REC114: variants seen among roughly 807,000 people sequenced by gnomAD.
REC114 encodes REC114 meiotic recombination protein.
In REC114, 27 loss-of-function variants were observed where a neutral mutation model predicts 31.3. The observed-to-expected ratio is 0.86, with a 90% confidence interval of 0.64 to 1.19. The LOEUF is 1.19. REC114 is among the 50% of genes most tolerant of loss of function. The pLI is 0.00. For synonymous variants in REC114, 134 were observed against 127.7 expected, an observed-to-expected ratio of 1.05 and a Z score of -0.33; for missense variants, 344 against 326.9, an observed-to-expected ratio of 1.05 and a Z score of -0.40.
At chr15:73,501,263 G>A (rs1052894528) in intron 2 of REC114, among the ~76,000 whole-genome samples, 6 of 152,186 alleles carry the variant, frequency 3.9e-5, no homozygotes, top group African/African-American at 1.4e-4. Flanking sequence ...AAAGAAACAA[G>A]TTTTTATTAC....
At chr15:73,518,375 G>T (rs75313523) in intron 2 of REC114, among the ~76,000 whole-genome samples, 1 of 152,116 alleles carries the variant, frequency 6.6e-6, no homozygotes, top group Non-Finnish European at 1.5e-5. Flanking sequence ...TCTCAGCTCC[G>T]TTTTCCTCTG....
chr15:73,496,381 T>C (rs2141305611), intron 2 of REC114, among the ~76,000 whole-genome samples: 1 of 140,964 alleles, frequency 7.1e-6, no homozygotes, highest in Non-Finnish European at 1.5e-5. Context: ...AAAAAAAAGT[T>C]GCAAAAGTAG....
Position 73,473,919 on chromosome 15 carries a change from C to G in REC114, c.247C>G (p.Leu83Val). The G allele has an allele frequency of 1.9e-6, 3 of 1,560,658 alleles. No homozygotes were observed. Among genetic ancestry groups the G allele is most frequent in the Non-Finnish European group, 2.6e-6 (3 of 1,142,764 alleles). Reference protein sequence around the residue: ...HFFIFQGQTLLEGFSLIGSKD... With the variant: ...HFFIFQGQTLVEGFSLIGSKD... Reference sequence around the variant, plus strand: ...CTTCATTTTCCAAGGACAGACACTACTGGTAGGTTTTATGCATAACAGTTT... The same window carrying G: ...CTTCATTTTCCAAGGACAGACACTAGTGGTAGGTTTTATGCATAACAGTTT... The change falls in exon 2 of 6, where the codon CTG becomes GTG. Residue 83 changes from leucine to valine, a missense_variant and splice_region_variant. Leu to Val is a conservative substitution (Grantham distance 32, BLOSUM62 1). Transcript: ENST00000331090.
chr15:73,444,882 T>G (rs1253719714), intron 1 of REC114, among the ~76,000 whole-genome samples: 2 of 152,230 alleles, frequency 1.3e-5, no homozygotes, highest in Admixed American at 1.3e-4. Context: ...AGAATGAATG[T>G]TGTGTTAGCA....
rs369264531 is a variant in REC114, at chr15:73,550,939, A to T, written c.335A>T (p.Asp112Val). The T allele has an allele frequency of 6.2e-7, 1 of 1,613,654 alleles. No individual in the cohort carries two copies. The highest frequency in any genetic ancestry group is 8.5e-7 in the Non-Finnish European group (1 of 1,179,740). Residue 112 changes from aspartate (D) to valine (V), a missense_variant and splice_region_variant, in exon 4 of 6, where the codon GAC becomes GTC. Coordinates refer to ENST00000331090, the MANE Select transcript of REC114 (RefSeq NM_001042367.2). The part of the protein sequence containing the change: ...DCLLFGTTIK[D>V]KSRLFRVQFS... ...GATAACTTTTGATTTGTCAAACAGG[A>T]CAAGAGTCGCCTGTTTCGAGTACAG...
chr15:73,525,157 C>G (rs2141321889), intron 2 of REC114, among the ~76,000 whole-genome samples: 2 of 152,298 alleles, frequency 1.3e-5, no homozygotes, highest in African/African-American at 4.8e-5. Flanking sequence ...GGCCAAAGTG[C>G]AGGGATTACA....
chr15:73,475,772 G>C (rs868225670), intron 2 of REC114, among the ~76,000 whole-genome samples: 69 of 151,986 alleles, frequency 4.5e-4, no homozygotes, highest in African/African-American at 1.6e-3. Flanking sequence ...ACTTAATTAG[G>C]ATAGTTAACT....
chr15:73,557,881 C>T (rs1358602120), intron 5 of REC114, among the ~76,000 whole-genome samples: 1 of 152,152 alleles, frequency 6.6e-6, no homozygotes, highest in Non-Finnish European at 1.5e-5. Flanking sequence ...GGCAATTTAG[C>T]AGTACATATC....
At chr15:73,464,514 C>T (rs1293511502) in intron 1 of REC114, among the ~76,000 whole-genome samples, 1 of 152,064 alleles carries the variant, frequency 6.6e-6, no homozygotes, top group Non-Finnish European at 1.5e-5. Flanking sequence ...GGTCTTTTCA[C>T]TCCTGGGTGT....
At chr15:73,549,858 A>G (rs1266404475) in intron 3 of REC114, among the ~76,000 whole-genome samples, 1 of 152,188 alleles carries the variant, frequency 6.6e-6, no homozygotes, top group East Asian at 1.9e-4. Context: ...AGCCATGCCA[A>G]GAGTTTTCTG....
chr15:73,557,951 TCA>T (rs1261974973), intron 5 of REC114, among the ~76,000 whole-genome samples: 1 of 152,238 alleles, frequency 6.6e-6, no homozygotes, highest in Non-Finnish European at 1.5e-5. Context: ...CATATGTTCA[TCA>T]CAATGCTTAA....
chr15:73,536,161 A>C lies in REC114; in HGVS notation c.250-4324A>C, dbSNP rs574393864. ...ACACCAAAAGCAATGGCAACAAAAGACAAAATTGACAAATGGGATCTAATT... is the reference window on the plus strand; with the variant it reads ...ACACCAAAAGCAATGGCAACAAAAGCCAAAATTGACAAATGGGATCTAATT... On this transcript the variant is annotated intron_variant, in intron 2 of 5. Transcript: ENST00000331090. 2.6e-5 allele frequency among the ~76,000 whole-genome samples: 4 copies of C among 152,190 alleles called. No individual in the cohort carries two copies. The South Asian group carries it at 6.2e-4, about 24-fold the overall frequency.
Position 73,490,743 on chromosome 15 carries a change from T to C in REC114, c.249+16822T>C, listed in dbSNP as rs547118132. 1.9e-3 allele frequency among the ~76,000 whole-genome samples: 291 copies of C among 152,306 alleles called. 1 individual carries two copies. Among genetic ancestry groups the C allele is most frequent in the African/African-American group, 6.7e-3 (279 of 41,572 alleles). On this transcript the variant is annotated intron_variant, in intron 2 of 5. Coordinates refer to ENST00000331090, the MANE Select transcript of REC114 (RefSeq NM_001042367.2). ...TAATATACTCACTGAGTTCATTGAATTTTGATAAATGTATTCAACTATATA... is the reference window on the plus strand; with the variant it reads ...TAATATACTCACTGAGTTCATTGAACTTTGATAAATGTATTCAACTATATA...
intron 4 of REC114, among the ~76,000 whole-genome samples, chr15:73,553,205 G>C (rs1894416195): frequency 6.6e-6 from 1 of 152,186 alleles, no homozygotes; most frequent in South Asian, 2.1e-4. Context: ...AGCAGGTGCT[G>C]CATGATTTCC....
At chr15:73,514,257 C>A (rs1177225942) in intron 2 of REC114, among the ~76,000 whole-genome samples, 1 of 151,558 alleles carries the variant, frequency 6.6e-6, no homozygotes, top group African/African-American at 2.4e-5. Context: ...AACTCCCTGA[C>A]CCCTTGCGCT....
chr15:73,511,829 T>G (rs1284319019), intron 2 of REC114, among the ~76,000 whole-genome samples: 1 of 147,360 alleles, frequency 6.8e-6, no homozygotes, highest in Non-Finnish European at 1.5e-5. Flanking sequence ...TAATTTCTGT[T>G]CTTTTACATT....
chr15:73,508,983 T>C (rs1893723829), intron 2 of REC114, among the ~76,000 whole-genome samples: 1 of 150,302 alleles, frequency 6.7e-6, no homozygotes, highest in Non-Finnish European at 1.5e-5. Context: ...CTGGGTCAAA[T>C]GGTATTTCTA....
chr15:73,513,799 G>A (rs1476556131), intron 2 of REC114, among the ~76,000 whole-genome samples: 92 of 150,998 alleles, frequency 6.1e-4, no homozygotes, highest in Non-Finnish European at 9.5e-4. Context: ...GCAGTCTGCC[G>A]GTTCTCAGAT....
chr15:73,496,411 C>T (rs964305604), intron 2 of REC114, among the ~76,000 whole-genome samples: 3 of 147,934 alleles, frequency 2.0e-5, no homozygotes, highest in Non-Finnish European at 4.5e-5. Flanking sequence ...GTAATCCCAG[C>T]ACTTTGGGAG....
Sources: allele counts gnomAD v4.1 joint callset (sites outside exome capture counted in the v4.1 genomes callset), GRCh38; gene constraint gnomAD v4.1.1; transcripts MANE v1.5; gene names NCBI Gene and HGNC (gene_info 2026-07-23, HGNC 2026-07-21).